RYR3: variants seen among roughly 807,000 people sequenced by gnomAD.
The protein encoded by RYR3 is ryanodine receptor 3.
RYR3 carries 207 observed loss-of-function variants against 584.3 expected under a neutral mutation model. The ratio of observed to expected loss-of-function variants is 0.35; its 90% confidence interval spans 0.32 to 0.40. The LOEUF (loss-of-function observed/expected upper bound fraction) is 0.40, where lower values mean the gene tolerates loss of function less well. Ranked by LOEUF, RYR3 falls within the 10% of genes least tolerant of loss-of-function variation. RYR3 has a pLI of 1.00. For missense variants in RYR3, 5,616 were observed against 6,089.2 expected, an observed-to-expected ratio of 0.92 and a Z score of 2.59; for synonymous variants, 2,416 against 2,248.5, an observed-to-expected ratio of 1.07 and a Z score of -2.11.
intron 65 of RYR3, among the ~76,000 whole-genome samples, chr15:33,784,053 C>T (rs553865988): frequency 2.0e-5 from 3 of 152,324 alleles, no homozygotes; most frequent in African/African-American, 4.8e-5. Flanking sequence ...CAACAAAAGT[C>T]ATCACTACGG....
chr15:33,457,437 C>A (rs1044794517), intron 1 of RYR3, among the ~76,000 whole-genome samples: 1 of 152,146 alleles, frequency 6.6e-6, no homozygotes, highest in African/African-American at 2.4e-5. Context: ...CTGTCATTTG[C>A]AGCAGGATAG....
At chr15:33,719,164 G>T (rs554966072) in intron 43 of RYR3, among the ~76,000 whole-genome samples, 2 of 152,160 alleles carry the variant, frequency 1.3e-5, no homozygotes, top group African/African-American at 4.8e-5. Context: ...CAGCTCCTTC[G>T]TCTTAGAGCG....
At chr15:33,713,914 G>A (rs967888831) in intron 43 of RYR3, among the ~76,000 whole-genome samples, 6 of 152,090 alleles carry the variant, frequency 3.9e-5, no homozygotes, top group Non-Finnish European at 5.9e-5. Context: ...CCTACCAAAG[G>A]CCCTACTGCC....
At chr15:33,640,007 G>A (rs2061708668) in intron 27 of RYR3, among the ~76,000 whole-genome samples, 1 of 152,014 alleles carries the variant, frequency 6.6e-6, no homozygotes, top group Non-Finnish European at 1.5e-5. Flanking sequence ...AAGAGGCTTT[G>A]GTGTGGTCTC....
chr15:33,335,079 G>T (rs1970802571), intron 1 of RYR3, among the ~76,000 whole-genome samples: 1 of 152,200 alleles, frequency 6.6e-6, no homozygotes, highest in South Asian at 2.1e-4. Flanking sequence ...CATTGCTGTT[G>T]GGAGTGTAAA....
Position 33,509,501 on chromosome 15 carries a change from C to T in RYR3, c.279+5763C>T, listed in dbSNP as rs111907505. Among the ~76,000 whole-genome samples the T allele has an allele frequency of 6.8e-3, 1,036 of 152,216 alleles. 18 individuals carry two copies. The highest frequency in any genetic ancestry group is 0.024 in the African/African-American group (997 of 41,524). On this transcript the variant is annotated intron_variant, in intron 3 of 103. Coordinates refer to ENST00000634891, the MANE Select transcript of RYR3 (RefSeq NM_001036.6). ...GGAAACATGACTGATGGAGGAACTGCGTCCATAATTCTAAACCTCATCCCC... is the reference window on the plus strand; with the variant it reads ...GGAAACATGACTGATGGAGGAACTGTGTCCATAATTCTAAACCTCATCCCC...
At chr15:33,529,244 C>T (rs1272340636) in intron 3 of RYR3, among the ~76,000 whole-genome samples, 1 of 152,204 alleles carries the variant, frequency 6.6e-6, no homozygotes, top group African/African-American at 2.4e-5. Context: ...GGAAAAAGCG[C>T]AGCCGCATTT....
intron 2 of RYR3, among the ~76,000 whole-genome samples, chr15:33,474,904 A>C (rs1307951999): frequency 6.6e-6 from 1 of 152,226 alleles, no homozygotes; most frequent in African/African-American, 2.4e-5. Context: ...CTGTGGATCC[A>C]TAAGGATAGA....
At chr15:33,569,026 G>GTGTGTGTGCGTGTA (rs2152494353) in intron 12 of RYR3, among the ~76,000 whole-genome samples, 1 of 152,304 alleles carries the variant, frequency 6.6e-6, no homozygotes, top group African/African-American at 2.4e-5. Context: ...ATTCTTGTGT[G>GTGTGTGTGCGTGTA]TGTGTGTGCG....
Position 33,844,531 on chromosome 15 carries a change from C to G in RYR3, c.13297-331C>G, listed in dbSNP as rs1303928550. Among the ~76,000 whole-genome samples, 48 of 152,194 alleles carry G rather than the reference C, an allele frequency of 3.2e-4. 1 individual carries two copies. The highest frequency in any genetic ancestry group is 1.5e-5 in the Non-Finnish European group (1 of 68,032). ...ACATCCTTCACGCTTGTGTGTGTGT[C>G]TTTGCCTCCTCTCAGGCCACAGCAT... On this transcript the variant is annotated intron_variant, in intron 92 of 103. Coordinates refer to ENST00000634891, the MANE Select transcript of RYR3 (RefSeq NM_001036.6).
chr15:33,766,750 T>C (rs923918289), intron 60 of RYR3, among the ~76,000 whole-genome samples: 1 of 152,250 alleles, frequency 6.6e-6, no homozygotes, highest in Admixed American at 6.5e-5. Flanking sequence ...TTCTCTTCTT[T>C]GCAATCTTCG....
intron 67 of RYR3, among the ~76,000 whole-genome samples, chr15:33,795,719 C>T (rs1434102983): frequency 1.3e-5 from 2 of 152,030 alleles, no homozygotes; most frequent in African/African-American, 2.4e-5. Flanking sequence ...TTGGTAGAGA[C>T]AGGGTTTCAC....
At chr15:33,435,746 G>A (rs1439774738) in intron 1 of RYR3, among the ~76,000 whole-genome samples, 1 of 152,138 alleles carries the variant, frequency 6.6e-6, no homozygotes, top group Non-Finnish European at 1.5e-5. Flanking sequence ...CTTCAGAGAT[G>A]AAGCTGCAGA....
intron 38 of RYR3, among the ~76,000 whole-genome samples, chr15:33,677,834 G>T (rs2064289472): frequency 6.6e-6 from 1 of 152,192 alleles, no homozygotes; most frequent in Non-Finnish European, 1.5e-5. Context: ...AGCCTATCTA[G>T]ACACAGCCTG....
intron 38 of RYR3, among the ~76,000 whole-genome samples, chr15:33,674,026 C>G (rs1220469346): frequency 6.6e-6 from 1 of 152,172 alleles, no homozygotes; most frequent in Non-Finnish European, 1.5e-5. Context: ...TGCCTGCTCT[C>G]CCCTGCCACT....
intron 24 of RYR3, among the ~76,000 whole-genome samples, chr15:33,634,030 GTTAT>G (rs988201512): frequency 6.6e-6 from 1 of 152,098 alleles, no homozygotes; most frequent in Non-Finnish European, 1.5e-5. Flanking sequence ...ACAGACTGGT[GTTAT>G]TTAAAGTGTT....
At chr15:33,419,810 A>G (rs1333537907) in intron 1 of RYR3, among the ~76,000 whole-genome samples, 4 of 152,182 alleles carry the variant, frequency 2.6e-5, no homozygotes, top group African/African-American at 7.2e-5. Context: ...TGCAGTGTGT[A>G]CTCATCAGTG....
chr15:33,397,392 A>G (rs2042363866), intron 1 of RYR3, among the ~76,000 whole-genome samples: 1 of 152,256 alleles, frequency 6.6e-6, no homozygotes, highest in African/African-American at 2.4e-5. Flanking sequence ...TGGAGCCTTA[A>G]CATTTCAATG....
rs914496843 is a variant in RYR3, at chr15:33,790,658, T to A, written c.9830+2200T>A. The stretch of plus-strand genomic sequence containing the variant: ...AAAATGTTGAATGGACAATTGCATA[T>A]AAGATTCAGAGTTCAAGGGAGAGGT... On this transcript the variant is annotated intron_variant, in intron 67 of 103. Transcript: ENST00000634891. Among the ~76,000 whole-genome samples, 3 of 152,136 alleles carry A rather than the reference T, an allele frequency of 2.0e-5. No homozygotes were observed. The East Asian group carries it at 5.8e-4, about 29-fold the overall frequency.
Sources: gnomAD v4.1 joint callset for allele counts (sites outside exome capture counted in the v4.1 genomes callset) on GRCh38, gnomAD v4.1.1 for gene constraint, MANE v1.5 for transcripts, NCBI Gene and HGNC (gene_info 2026-07-23, HGNC 2026-07-21) for gene names.